Variants in KCNG2 observed in about 807,000 individuals in gnomAD.
KCNG2 encodes potassium voltage-gated channel modifier subfamily G member 2, also known as voltage-gated potassium channel regulatory subunit KCNG2.
In KCNG2, 7 loss-of-function variants were observed where a neutral mutation model predicts 12.3. The ratio of observed to expected loss-of-function variants is 0.57; its 90% CI spans 0.32 to 1.07. The LOEUF is 1.07. Among genes scored for constraint, KCNG2 ranks in the 50% least tolerant of loss-of-function variants. KCNG2 has a pLI of 0.04. For missense variants in KCNG2, 703 were observed against 726.0 expected (o/e 0.97, Z 0.36); for synonymous variants, 414 against 351.4 (o/e 1.18, Z -1.99).
rs2087579596 is a variant in KCNG2, at chr18:79,822,566, G to A, written c.-115+24552G>A. 6.6e-6 allele frequency among the ~76,000 whole-genome samples: 1 copy of A among 152,110 alleles called. No individual in the cohort carries two copies. The highest frequency in any genetic ancestry group is 1.5e-5 in the Non-Finnish European group (1 of 68,024). On this transcript the variant is annotated intron_variant, in intron 1 of 3. Transcript: ENST00000316249. This position sits in a 1 kb window ranked among gnomAD's most constrained non-coding sequence, Gnocchi z 4.4. ...GCATCCTCCCACGTCAGCCTCCCGA[G>A]TAGCTGGGGCCACAGGCGTGAGCCA...
chr18:79,818,024 G>A (rs2087542728), intron 1 of KCNG2, among the ~76,000 whole-genome samples: 1 of 152,190 alleles, frequency 6.6e-6, no homozygotes, highest in Non-Finnish European at 1.5e-5. Context: ...TCCTCGCCAG[G>A]TGGGCAGGAG....
intron 3 of KCNG2, among the ~76,000 whole-genome samples, chr18:79,867,525 CTG>C (rs1979648830): frequency 1.5e-5 from 1 of 64,750 alleles, no homozygotes; most frequent in Non-Finnish European, 2.7e-5. Context: ...TGTGTCGTGT[CTG>C]GGGGGGGACC....
chr18:79,894,013 T>C (rs1006219027), intron 3 of KCNG2, among the ~76,000 whole-genome samples: 2 of 151,660 alleles, frequency 1.3e-5, no homozygotes, highest in African/African-American at 4.9e-5. Flanking sequence ...CTGCTTTTGA[T>C]TGGTTTCTTC....
At chr18:79,827,005 G>C (rs930930537) in intron 1 of KCNG2, among the ~76,000 whole-genome samples, 2 of 152,248 alleles carry the variant, frequency 1.3e-5, no homozygotes, top group Non-Finnish European at 2.9e-5. Flanking sequence ...CCCGCTTTCT[G>C]TTCAGGACGC....
At chr18:79,870,952 C>G (rs1157795294) in intron 3 of KCNG2, among the ~76,000 whole-genome samples, 1 of 152,132 alleles carries the variant, frequency 6.6e-6, no homozygotes, top group East Asian at 1.9e-4. Context: ...CGTCAGCTCA[C>G]CCGGTCCTGG....
chr18:79,812,823 T>C lies in KCNG2; in HGVS notation c.-115+14809T>C, dbSNP rs72618582. Among the ~76,000 whole-genome samples, 395 of 152,214 alleles carry C rather than the reference T, an allele frequency of 2.6e-3. 9 individuals are homozygous for C. The East Asian group carries it at 0.066, about 26-fold the overall frequency. The stretch of plus-strand genomic sequence containing the variant: ...TTGCACTGAGCCGAGATCGCACCAC[T>C]GTAGTCCAGTCTGGGTGATAGAGCG... On this transcript the variant is annotated intron_variant, in intron 1 of 3. Coordinates refer to ENST00000316249, the MANE Select transcript of KCNG2 (RefSeq NM_012283.2).
At chr18:79,850,016 G>A (rs1406208176) in intron 1 of KCNG2, among the ~76,000 whole-genome samples, 1 of 152,168 alleles carries the variant, frequency 6.6e-6, no homozygotes, top group African/African-American at 2.4e-5. Context: ...TGACAGGGCC[G>A]TGTGAAAACC....
chr18:79,802,410 A>G (rs1337310874), intron 1 of KCNG2, among the ~76,000 whole-genome samples: 1 of 151,356 alleles, frequency 6.6e-6, no homozygotes, highest in Non-Finnish European at 1.5e-5. Context: ...TCTGGTCCGG[A>G]GAGCCTGGCC....
chr18:79,869,581 C>T (rs1030956343), intron 3 of KCNG2, among the ~76,000 whole-genome samples: 5 of 152,340 alleles, frequency 3.3e-5, no homozygotes, highest in South Asian at 4.1e-4. Flanking sequence ...TCTGCCTTCT[C>T]ACGTGGGATC....
chr18:79,843,770 A>G (rs970193364), intron 1 of KCNG2, among the ~76,000 whole-genome samples: 8 of 152,202 alleles, frequency 5.3e-5, no homozygotes, highest in Admixed American at 3.3e-4. Flanking sequence ...ATACGCTATG[A>G]AAAAATTATC....
rs919370424 is a variant in KCNG2 at position 79,797,938 on chromosome 18, A to T, written c.-191A>T. ...CGCCGGAGTCCGGGATGCCGGCTCC[A>T]GAGACGCCGCGCTCCGCCCCGAGGA... On this transcript the variant is annotated 5_prime_UTR_variant, in exon 1 of 4. Transcript: ENST00000316249. Among the ~76,000 whole-genome samples the T allele has an allele frequency of 2.0e-5, 3 of 150,920 alleles. No homozygotes were observed. Among genetic ancestry groups the T allele is most frequent in the African/African-American group, 7.3e-5 (3 of 41,002 alleles).
chr18:79,896,584 G>C (rs919584594), intron 3 of KCNG2, among the ~76,000 whole-genome samples: 1 of 152,048 alleles, frequency 6.6e-6, no homozygotes, highest in Non-Finnish European at 1.5e-5. Flanking sequence ...AGCTTAATAC[G>C]TTATATACAT....
At chr18:79,827,750 G>A (rs1978287246) in intron 1 of KCNG2, among the ~76,000 whole-genome samples, 1 of 152,164 alleles carries the variant, frequency 6.6e-6, no homozygotes, top group African/African-American at 2.4e-5. Context: ...AGCTTGGTGG[G>A]CTGGACCCAA....
In KCNG2 at chr18:79,864,001, G is replaced by C. The variant is rs893228598; in HGVS notation, c.334G>C (p.Glu112Gln). The C allele has an allele frequency of 3.3e-6, 4 of 1,194,682 alleles. No individual in the cohort carries two copies. The African/African-American group carries it at 4.8e-5, about 14-fold the overall frequency. 74.0% of individuals were successfully genotyped at this position (1,194,682 alleles called of 1,614,324 possible). The change falls in exon 3 of 4, where the codon GAG (glutamate) becomes CAG (glutamine). Residue 112 changes from glutamate (E) to glutamine (Q), a missense_variant. Coordinates refer to ENST00000316249, the MANE Select transcript of KCNG2 (RefSeq NM_012283.2). ...RDELAYWGID[E>Q]ARLERCCLRR... ...CGAGCTGGCCTACTGGGGCATCGAC[G>C]AGGCGCGCCTGGAGCGCTGCTGCCT...
intron 3 of KCNG2, among the ~76,000 whole-genome samples, chr18:79,878,639 AT>A (rs970421616): frequency 6.6e-5 from 10 of 151,946 alleles, no homozygotes; most frequent in East Asian, 1.9e-4. Flanking sequence ...TAAGTTCCTG[AT>A]TTTTTTTTCT....
At chr18:79,847,465 C>T (rs568451771) in intron 1 of KCNG2, among the ~76,000 whole-genome samples, 16 of 152,340 alleles carry the variant, frequency 1.1e-4, no homozygotes, top group South Asian at 1.0e-3. Flanking sequence ...CTGGAAACCA[C>T]GCTAAGCGAT....
intron 1 of KCNG2, among the ~76,000 whole-genome samples, 92 bp downstream of exon 1, chr18:79,798,106 C>T (rs984904603): frequency 6.6e-6 from 1 of 151,228 alleles, no homozygotes; most frequent in Non-Finnish European, 1.5e-5. Flanking sequence ...GGCGCGGGCT[C>T]CTGTCTGATG....
At position 79,803,004 on chromosome 18, in the gene KCNG2, C is replaced by A. The variant is rs138579176; in HGVS notation, c.-115+4990C>A. The stretch of plus-strand genomic sequence containing the variant: ...GACCAGCCTGGTCAACATGGTGAAA[C>A]CTCATCTCTACTAAAACACAAAAAT... On this transcript the variant is annotated intron_variant, in intron 1 of 3. Coordinates refer to ENST00000316249, the MANE Select transcript of KCNG2 (RefSeq NM_012283.2). The surrounding 1 kb of genome is among the most constrained non-coding windows in gnomAD (Gnocchi z 4.5). Among the ~76,000 whole-genome samples, 1 of 152,104 alleles carries A rather than the reference C, an allele frequency of 6.6e-6. No homozygotes were observed.
chr18:79,882,470 A>G (rs1980335913), intron 3 of KCNG2, among the ~76,000 whole-genome samples: 1 of 152,280 alleles, frequency 6.6e-6, no homozygotes, highest in Non-Finnish European at 1.5e-5. Flanking sequence ...TAAGCTATAT[A>G]AAGAACTGTA....
Sources: allele counts gnomAD v4.1 joint callset (sites outside exome capture counted in the v4.1 genomes callset), GRCh38; gene constraint gnomAD v4.1.1; non-coding constraint Gnocchi (gnomAD v3.1); transcripts MANE v1.5; gene names NCBI Gene and HGNC (gene_info 2026-07-23, HGNC 2026-07-21).